NAALADL2: variants seen among roughly 807,000 people sequenced by gnomAD.
The protein encoded by NAALADL2 is inactive N-acetylated-alpha-linked acidic dipeptidase-like protein 2.
NAALADL2 carries 76 observed loss-of-function variants against 87.2 expected under a neutral mutation model. The observed-to-expected ratio is 0.87, with a 90% CI of 0.72 to 1.05. NAALADL2 has a LOEUF of 1.05. NAALADL2 is among the 50% of genes least tolerant of loss of function. The probability of loss-of-function intolerance (pLI) is 0.00; values close to 1 mark genes in which losing one functional copy is unlikely to be tolerated. For missense variants in NAALADL2, 1,089 were observed against 945.8 expected (o/e 1.15, Z -1.99); for synonymous variants, 354 against 331.0 (o/e 1.07, Z -0.75).
intron 1 of NAALADL2, among the ~76,000 whole-genome samples, chr3:174,938,986 T>C (rs1029838336): frequency 6.6e-5 from 10 of 151,820 alleles, no homozygotes; most frequent in African/African-American, 2.2e-4. Flanking sequence ...GTGTACTCTT[T>C]TGCTGTGCAG....
chr3:174,788,330 G>T (rs540194106), intron 3 of NAALADL2, among the ~76,000 whole-genome samples: 20 of 152,292 alleles, frequency 1.3e-4, no homozygotes, highest in Admixed American at 3.9e-4. Flanking sequence ...TTTGAAAGAA[G>T]ACAAAAGGAC....
At chr3:175,601,889 T>A (rs1190531114) in intron 10 of NAALADL2, among the ~76,000 whole-genome samples, 2 of 152,188 alleles carry the variant, frequency 1.3e-5, no homozygotes, top group Non-Finnish European at 2.9e-5. Flanking sequence ...TTACCAGAAG[T>A]TATAAAACTT....
intron 5 of NAALADL2, among the ~76,000 whole-genome samples, chr3:175,365,735 T>C (rs1291932725): frequency 6.8e-6 from 1 of 147,416 alleles, no homozygotes; most frequent in Non-Finnish European, 1.5e-5. Context: ...ATCCAAGACA[T>C]GCTTAACATT....
chr3:174,868,028 G>T (rs1475140059), intron 1 of NAALADL2, among the ~76,000 whole-genome samples: 2 of 151,566 alleles, frequency 1.3e-5, no homozygotes, highest in African/African-American at 4.9e-5. Flanking sequence ...AGAGTCAAAG[G>T]GTTGGTTCTT....
chr3:174,488,860 A>G (rs554277767), intron 1 of NAALADL2, among the ~76,000 whole-genome samples: 186 of 152,078 alleles, frequency 1.2e-3, no homozygotes, highest in Non-Finnish European at 1.9e-3. Flanking sequence ...CTCCTCATAC[A>G]TTTTTAAACT....
At chr3:175,055,575 A>G (rs548912490) in intron 1 of NAALADL2, among the ~76,000 whole-genome samples, 45 of 152,318 alleles carry the variant, frequency 3.0e-4, no homozygotes, top group African/African-American at 9.9e-4. Flanking sequence ...CCCAGTTTGG[A>G]ATGGGGCCTG....
intron 2 of NAALADL2, among the ~76,000 whole-genome samples, chr3:174,677,203 A>G (rs1727115029): frequency 6.6e-6 from 1 of 151,702 alleles, no homozygotes; most frequent in Non-Finnish European, 1.5e-5. Flanking sequence ...TTTGACACAT[A>G]TGTTTGTGAC....
intron 5 of NAALADL2, among the ~76,000 whole-genome samples, chr3:175,423,028 A>AAAAAAAAAATAT (rs1438736874): frequency 6.3e-5 from 7 of 111,310 alleles, no homozygotes; most frequent in African/African-American, 2.5e-4. Flanking sequence ...GAAAAAAAAA[A>AAAAAAAAAATAT]ATATATATAT....
At chr3:174,590,680 A>G (rs1717265995) in intron 2 of NAALADL2, among the ~76,000 whole-genome samples, 2 of 152,196 alleles carry the variant, frequency 1.3e-5, no homozygotes, top group South Asian at 4.2e-4. Flanking sequence ...TAACTCCACT[A>G]TTTTCTTGCA....
chr3:175,462,676 C>T (rs1045765186), intron 6 of NAALADL2, among the ~76,000 whole-genome samples: 5 of 152,262 alleles, frequency 3.3e-5, no homozygotes, highest in East Asian at 1.9e-4. Flanking sequence ...CCATCAAATA[C>T]GGGATTAACA....
intron 6 of NAALADL2, among the ~76,000 whole-genome samples, chr3:175,450,436 A>G (rs761008764): frequency 3.3e-5 from 5 of 152,220 alleles, no homozygotes; most frequent in Non-Finnish European, 7.4e-5. Flanking sequence ...CATTAAGAAT[A>G]TGTGTGAGAA....
intron 1 of NAALADL2, among the ~76,000 whole-genome samples, chr3:174,451,843 GTTTTTTTTTTTTTT>G (rs764587503): frequency 5.1e-5 from 5 of 98,090 alleles, no homozygotes; most frequent in East Asian, 3.2e-4. Flanking sequence ...GATAGTGGGA[GTTTTTTTTTTTTTT>G]TTTTTTTTTT....
At chr3:175,259,964 G>C (rs1200322415) in intron 4 of NAALADL2, among the ~76,000 whole-genome samples, 2 of 151,906 alleles carry the variant, frequency 1.3e-5, no homozygotes, top group Admixed American at 6.6e-5. Flanking sequence ...GGAGGTGGAG[G>C]TTGTAGTGAG....
At chr3:175,786,995 C>T (rs1265134192) in intron 13 of NAALADL2, among the ~76,000 whole-genome samples, 1 of 151,992 alleles carries the variant, frequency 6.6e-6, no homozygotes, top group East Asian at 1.9e-4. Flanking sequence ...AGTGCCCCTG[C>T]TGGGGGGTGC....
At chr3:175,411,144 G>A (rs540559405) in intron 5 of NAALADL2, among the ~76,000 whole-genome samples, 1 of 152,232 alleles carries the variant, frequency 6.6e-6, no homozygotes, top group African/African-American at 2.4e-5. Context: ...CACATGAGTG[G>A]AATCAACAGA....
At chr3:174,447,699 C>A (rs1715158786) in intron 1 of NAALADL2, among the ~76,000 whole-genome samples, 1 of 151,940 alleles carries the variant, frequency 6.6e-6, no homozygotes, top group Admixed American at 6.5e-5. Context: ...CCTGTAGTCC[C>A]AGCTACTCGG....
intron 3 of NAALADL2, among the ~76,000 whole-genome samples, chr3:174,769,590 T>G (rs1714273507): frequency 6.6e-6 from 1 of 151,478 alleles, no homozygotes; most frequent in African/African-American, 2.4e-5. Flanking sequence ...TTTATTTTAT[T>G]ATACCTTTCA....
At chr3:175,712,090 T>C (rs903087557) in intron 11 of NAALADL2, among the ~76,000 whole-genome samples, 1 of 151,924 alleles carries the variant, frequency 6.6e-6, no homozygotes, top group African/African-American at 2.4e-5. Flanking sequence ...ATTATTTAAA[T>C]TTATAGAGAA....
chr3:175,288,048 T>C (rs1354591632), intron 4 of NAALADL2, among the ~76,000 whole-genome samples: 1 of 152,208 alleles, frequency 6.6e-6, no homozygotes, highest in Non-Finnish European at 1.5e-5. Context: ...CCAATGTTAA[T>C]GTTTAATTCG....
Sources: allele counts gnomAD v4.1 joint callset (sites outside exome capture counted in the v4.1 genomes callset), GRCh38; gene constraint gnomAD v4.1.1; transcripts MANE v1.5; gene names NCBI Gene and HGNC (gene_info 2026-07-23, HGNC 2026-07-21).